The following GARRE1 variants were observed in gnomAD, a reference collection of about 807,000 sequenced individuals.
GARRE1 encodes granule associated Rac and RHOG effector protein 1.
Under a neutral mutation model 103.2 loss-of-function variants are expected in GARRE1, and 49 were observed. The ratio of observed to expected loss-of-function variants is 0.47; its 90% CI spans 0.38 to 0.60. The LOEUF is 0.60. Ranked by LOEUF, GARRE1 falls within the 20% of genes least tolerant of loss-of-function variation. GARRE1 has a pLI of 0.00. For missense variants in GARRE1, 1,199 were observed against 1,370.5 expected (o/e 0.87, Z 1.98); for synonymous variants, 505 against 532.8 (o/e 0.95, Z 0.72).
intron 10 of GARRE1, among the ~76,000 whole-genome samples, chr19:34,345,656 C>CCAT (rs2074207626): frequency 6.6e-6 from 1 of 151,978 alleles, no homozygotes; most frequent in African/African-American, 2.4e-5. Flanking sequence ...CCCGTCTCTA[C>CCAT]CAAAAATACA....
At chr19:34,255,053 A>G (rs2073662661) in intron 1 of GARRE1, among the ~76,000 whole-genome samples, 1 of 151,952 alleles carries the variant, frequency 6.6e-6, no homozygotes, top group East Asian at 1.9e-4. Context: ...CGCTGGGGCT[A>G]GCCGGGGAGG....
chr19:34,333,616 G>A, intron 7 of GARRE1, 88 bp from the exon 8 acceptor site: 1 of 817,474 alleles, frequency 1.2e-6, no homozygotes, highest in East Asian at 2.5e-5. Flanking sequence ...TTCTTAGAGA[G>A]TCATTTTATG....
At chr19:34,307,814 A>G (rs1361476050) in intron 2 of GARRE1, among the ~76,000 whole-genome samples, 4 of 109,702 alleles carry the variant, frequency 3.6e-5, no homozygotes, top group Admixed American at 9.7e-5. Flanking sequence ...ATATATATAT[A>G]TTTTTTTTTT....
chr19:34,284,982 A>G (rs1019747439), intron 1 of GARRE1, among the ~76,000 whole-genome samples: 3 of 152,182 alleles, frequency 2.0e-5, no homozygotes, highest in African/African-American at 7.2e-5. Flanking sequence ...ATCTGAGCCC[A>G]GGAGGCAGAG....
intron 8 of GARRE1, among the ~76,000 whole-genome samples, chr19:34,336,039 G>T (rs1270625691): frequency 6.6e-6 from 1 of 151,802 alleles, no homozygotes; most frequent in Non-Finnish European, 1.5e-5. Context: ...CCCCCAGACT[G>T]CAGTGCAGTG....
At chr19:34,256,949 A>G (rs780459245) in intron 1 of GARRE1, among the ~76,000 whole-genome samples, 12 of 152,152 alleles carry the variant, frequency 7.9e-5, no homozygotes, top group Non-Finnish European at 1.8e-4. Flanking sequence ...TCTTGCTGAC[A>G]AGATAACAAA....
chr19:34,297,574 G>A (rs1433211502), intron 1 of GARRE1, among the ~76,000 whole-genome samples: 1 of 152,134 alleles, frequency 6.6e-6, no homozygotes, highest in Non-Finnish European at 1.5e-5. Context: ...GTTTCTCAGG[G>A]CTGCATAAGA....
intron 1 of GARRE1, among the ~76,000 whole-genome samples, chr19:34,288,190 A>G (rs764453997): frequency 6.6e-6 from 1 of 152,302 alleles, no homozygotes; most frequent in Non-Finnish European, 1.5e-5. Context: ...AGCTGTATGT[A>G]GCTTCCTCTG....
intron 1 of GARRE1, among the ~76,000 whole-genome samples, chr19:34,263,936 C>T (rs1315710813): frequency 2.0e-5 from 3 of 152,142 alleles, no homozygotes; most frequent in Non-Finnish European, 4.4e-5. Flanking sequence ...CTCAGTTTAC[C>T]TCCTCTGAAA....
intron 9 of GARRE1, among the ~76,000 whole-genome samples, chr19:34,340,655 C>T (rs1015407678): frequency 2.0e-5 from 3 of 152,054 alleles, no homozygotes; most frequent in African/African-American, 4.8e-5. Context: ...CTCAGCCTTC[C>T]GAGTAGCTGG....
intron 2 of GARRE1, among the ~76,000 whole-genome samples, chr19:34,302,736 GTTTTTT>G (rs35460135): frequency 7.7e-5 from 10 of 129,052 alleles, no homozygotes; most frequent in East Asian, 6.9e-4. Flanking sequence ...GTCTTTGATA[GTTTTTT>G]TTTTTTTTTT....
chr19:34,259,339 C>G (rs2073699468), intron 1 of GARRE1, among the ~76,000 whole-genome samples: 1 of 152,134 alleles, frequency 6.6e-6, no homozygotes, highest in African/African-American at 2.4e-5. Flanking sequence ...TGTACCTTTT[C>G]TTAAGGGATT....
Position 34,349,272 on chromosome 19 carries a change from G to A in GARRE1, c.2825+119G>A, listed in dbSNP as rs1251195736. On this transcript the variant is annotated intron_variant, in intron 12 of 13. Transcript: ENST00000299505. Reference sequence around the variant, plus strand: ...TCCAGTCTCCCTGTGTGAGAGGAGGGGCTCTTCCAGCAATGCCTGGCTGAA... The same window carrying A: ...TCCAGTCTCCCTGTGTGAGAGGAGGAGCTCTTCCAGCAATGCCTGGCTGAA... 9.0e-6 allele frequency: 9 copies of A among 998,830 alleles called. No individual in the cohort carries two copies. The Admixed American group carries it at 2.0e-4, about 22-fold the overall frequency. 61.9% of individuals were successfully genotyped at this position (998,830 alleles called of 1,614,324 possible).
chr19:34,318,815 G>T (rs1292849912), intron 2 of GARRE1, among the ~76,000 whole-genome samples: 1 of 152,104 alleles, frequency 6.6e-6, no homozygotes, highest in Non-Finnish European at 1.5e-5. Context: ...GCCGAGGCAG[G>T]TGGATCACCT....
intron 2 of GARRE1, among the ~76,000 whole-genome samples, chr19:34,311,650 G>A (rs1483145906): frequency 6.6e-6 from 1 of 151,876 alleles, no homozygotes; most frequent in Non-Finnish European, 1.5e-5. Flanking sequence ...CGCTCTTGTT[G>A]TCCAGGCTGG....
chr19:34,323,710 G>A (rs577258608), intron 3 of GARRE1, among the ~76,000 whole-genome samples: 73 of 152,016 alleles, frequency 4.8e-4, no homozygotes, highest in Non-Finnish European at 9.0e-4. Context: ...CCTCCTGACT[G>A]TTCAGCTCAC....
chr19:34,339,152 A>G (rs997983617), intron 8 of GARRE1, among the ~76,000 whole-genome samples: 2 of 152,100 alleles, frequency 1.3e-5, no homozygotes, highest in African/African-American at 4.8e-5. Flanking sequence ...AGAGTGTCTG[A>G]GCTAGCACAG....
intron 1 of GARRE1, among the ~76,000 whole-genome samples, chr19:34,293,237 G>T (rs1038827695): frequency 1.3e-5 from 2 of 152,082 alleles, no homozygotes; most frequent in African/African-American, 4.8e-5. Context: ...TAGCACTAAA[G>T]TAAATGTTAA....
chr19:34,289,493 G>A lies in GARRE1; in HGVS notation c.-795-10186G>A, dbSNP rs963572145. The stretch of plus-strand genomic sequence containing the variant: ...TGTAATCCCAGCACTTTGGGAGGCC[G>A]AGGTGGGCGGATCACAAGGTCAGAA... On this transcript the variant is annotated intron_variant, in intron 1 of 13. Transcript: ENST00000299505. Among the ~76,000 whole-genome samples the A allele has an allele frequency of 5.3e-5, 8 of 151,868 alleles. No individual in the cohort carries two copies. In the East Asian group the frequency reaches 1.2e-3, roughly 22 times the overall value.
Sources: allele counts gnomAD v4.1 joint callset (sites outside exome capture counted in the v4.1 genomes callset), GRCh38; gene constraint gnomAD v4.1.1; transcripts MANE v1.5; gene names NCBI Gene and HGNC (gene_info 2026-07-23, HGNC 2026-07-21).